TCERG1L: variants seen among roughly 807,000 people sequenced by gnomAD.
The protein encoded by TCERG1L is transcription elongation regulator 1 like, also known as transcription elongation regulator 1-like protein.
In TCERG1L, 37 loss-of-function variants were observed where a neutral mutation model predicts 56.3. That is an observed-to-expected ratio of 0.66 (90% CI 0.51 to 0.87). The LOEUF (loss-of-function observed/expected upper bound fraction) is 0.87. Among genes scored for constraint, TCERG1L ranks in the 40% least tolerant of loss-of-function variants. TCERG1L has a pLI of 0.00. For missense variants in TCERG1L, 799 were observed against 774.2 expected (o/e 1.03, Z -0.38); for synonymous variants, 324 against 326.3 (o/e 0.99, Z 0.08).
At chr10:131,276,267 T>G (rs1404729715) in intron 3 of TCERG1L, among the ~76,000 whole-genome samples, 1 of 152,210 alleles carries the variant, frequency 6.6e-6, no homozygotes, top group African/African-American at 2.4e-5. Context: ...AGATTAACCC[T>G]TTGCCCTAGA....
At chr10:131,291,397 ATTTCT>A (rs1846621412) in intron 3 of TCERG1L, among the ~76,000 whole-genome samples, 7 of 60,220 alleles carry the variant, frequency 1.2e-4, no homozygotes, top group Admixed American at 2.3e-4. Context: ...CATAAACAGC[ATTTCT>A]TTTTTTTTTT....
chr10:131,136,230 C>T (rs914767450), intron 7 of TCERG1L, among the ~76,000 whole-genome samples: 5 of 152,340 alleles, frequency 3.3e-5, no homozygotes, highest in Middle Eastern at 3.4e-3. Context: ...GCCTTCTGCG[C>T]GTGCTCCACA....
At chr10:131,263,456 A>T (rs566709910) in intron 3 of TCERG1L, among the ~76,000 whole-genome samples, 1 of 152,336 alleles carries the variant, frequency 6.6e-6, no homozygotes, top group African/African-American at 2.4e-5. Flanking sequence ...TTGGAAACGT[A>T]TCACAATCAC....
intron 3 of TCERG1L, among the ~76,000 whole-genome samples, chr10:131,288,765 G>A (rs1846574656): frequency 6.6e-6 from 1 of 152,038 alleles, no homozygotes; most frequent in African/African-American, 2.4e-5. Flanking sequence ...CCGTGACCAC[G>A]GAGACACAGA....
chr10:131,141,844 C>A (rs1845742188), intron 7 of TCERG1L, among the ~76,000 whole-genome samples: 1 of 152,154 alleles, frequency 6.6e-6, no homozygotes, highest in Admixed American at 6.5e-5. Flanking sequence ...GCCCACCCAG[C>A]CTCCCAGCTG....
intron 4 of TCERG1L, among the ~76,000 whole-genome samples, chr10:131,253,225 G>A (rs1300521940): frequency 2.6e-5 from 4 of 152,184 alleles, no homozygotes; most frequent in Admixed American, 1.3e-4. Flanking sequence ...CTCTATAGAC[G>A]GACAGGAATG....
intron 4 of TCERG1L, among the ~76,000 whole-genome samples, chr10:131,233,934 G>C (rs1215598402): frequency 6.6e-6 from 1 of 152,166 alleles, no homozygotes; most frequent in Non-Finnish European, 1.5e-5. Context: ...GAATCGATTA[G>C]TTCCGTAGAG....
At chr10:131,177,699 C>A (rs560064351) in intron 4 of TCERG1L, among the ~76,000 whole-genome samples, 1 of 152,214 alleles carries the variant, frequency 6.6e-6, no homozygotes, top group South Asian at 2.1e-4. Flanking sequence ...ACAGAGGCAG[C>A]CAAACACCCT....
intron 3 of TCERG1L, among the ~76,000 whole-genome samples, chr10:131,287,111 T>A (rs1230184208): frequency 6.6e-6 from 1 of 152,216 alleles, no homozygotes; most frequent in Non-Finnish European, 1.5e-5. Flanking sequence ...TGCCAGAAAA[T>A]TTTAAATTCC....
intron 3 of TCERG1L, among the ~76,000 whole-genome samples, chr10:131,269,801 G>T (rs1846320442): frequency 6.6e-6 from 1 of 152,180 alleles, no homozygotes; most frequent in Non-Finnish European, 1.5e-5. Flanking sequence ...CCACAGACTT[G>T]TTCCCACCTG....
chr10:131,205,057 C>T (rs1589747564), intron 4 of TCERG1L, among the ~76,000 whole-genome samples: 1 of 152,172 alleles, frequency 6.6e-6, no homozygotes, highest in South Asian at 2.1e-4. Context: ...TCCAGCCTCT[C>T]CCAGACCAAG....
intron 8 of TCERG1L, among the ~76,000 whole-genome samples, chr10:131,122,088 T>G (rs1313777419): frequency 6.6e-6 from 1 of 152,254 alleles, no homozygotes; most frequent in Non-Finnish European, 1.5e-5. Flanking sequence ...TTTGGCAGAA[T>G]GGTTTGCTGG....
intron 8 of TCERG1L, among the ~76,000 whole-genome samples, chr10:131,132,270 A>C (rs1012805942): frequency 2.0e-5 from 3 of 152,186 alleles, no homozygotes; most frequent in South Asian, 2.1e-4. Context: ...CCTCCCCGAG[A>C]GTCTTCCTCT....
At chr10:131,172,938 T>C (rs926524196) in intron 4 of TCERG1L, among the ~76,000 whole-genome samples, 1 of 150,624 alleles carries the variant, frequency 6.6e-6, no homozygotes, top group East Asian at 1.9e-4. Context: ...CATCCAGGCT[T>C]GGAGTACAAT....
At chr10:131,227,561 G>A (rs116606084) in intron 4 of TCERG1L, among the ~76,000 whole-genome samples, 1,721 of 152,292 alleles carry the variant, frequency 0.011, 32 homozygotes, top group African/African-American at 0.039. Flanking sequence ...CTCAGATCCC[G>A]GAAAGGACCG....
intron 6 of TCERG1L, chr10:131,156,058 T>C (rs527632223): frequency 6.6e-6 from 1 of 152,252 alleles, no homozygotes; most frequent in South Asian, 2.1e-4. Context: ...GCTTAGCGAG[T>C]GCAACTGCAA....
chr10:131,253,628 G>A (rs950519830), intron 4 of TCERG1L, among the ~76,000 whole-genome samples: 8 of 152,158 alleles, frequency 5.3e-5, no homozygotes, highest in Non-Finnish European at 1.5e-5. Flanking sequence ...TGTTTGTTAG[G>A]ATTGGGCTGG....
chr10:131,215,957 G>A (rs926182344), intron 4 of TCERG1L, among the ~76,000 whole-genome samples: 4 of 152,152 alleles, frequency 2.6e-5, no homozygotes, highest in African/African-American at 2.4e-5. Context: ...CCACGAACGC[G>A]CACTGTGGGG....
intron 9 of TCERG1L, among the ~76,000 whole-genome samples, chr10:131,106,439 T>TG (rs1443417794): frequency 6.6e-6 from 1 of 152,050 alleles, no homozygotes; most frequent in East Asian, 1.9e-4. Context: ...AAAGGAGCCT[T>TG]GGGGGGTATT....
Sources: allele counts gnomAD v4.1 joint callset (sites outside exome capture counted in the v4.1 genomes callset), GRCh38; gene constraint gnomAD v4.1.1; transcripts MANE v1.5; gene names NCBI Gene and HGNC (gene_info 2026-07-23, HGNC 2026-07-21).